The following GLRB variants were observed in gnomAD, a reference collection of about 807,000 sequenced individuals.
GLRB encodes the protein glycine receptor subunit beta.
Under a neutral mutation model 54.2 loss-of-function variants are expected in GLRB, and 33 were observed. The observed-to-expected ratio is 0.61, with a 90% CI of 0.46 to 0.81. The LOEUF is 0.81. GLRB is among the 40% of genes least tolerant of loss of function. GLRB has a pLI of 0.00. For synonymous variants in GLRB, 209 were observed against 208.2 expected (o/e 1.00, Z -0.03); for missense variants, 572 against 584.6 (o/e 0.98, Z 0.22).
rs1249205836 is a variant in GLRB at position 157,136,676 on chromosome 4, G to A, written c.505G>A (p.Gly169Arg). The change falls in exon 5 of 10, where the codon GGA becomes AGA. Residue 169 changes from glycine to arginine, a missense_variant. Transcript: ENST00000264428. ...CATCCTCCTCTTTATTTTTCGTGATGGAGATGTCCTTGTCAGCATGAGGTA... is the reference window on the plus strand; with the variant it reads ...CATCCTCCTCTTTATTTTTCGTGATAGAGATGTCCTTGTCAGCATGAGGTA... ...ENILLFIFRD[G>R]DVLVSMRLSI... The A allele has an allele frequency of 6.2e-7, 1 of 1,607,358 alleles. No individual in the cohort carries two copies.
intron 4 of GLRB, among the ~76,000 whole-genome samples, chr4:157,130,442 G>C (rs1256635985): frequency 2.6e-5 from 4 of 151,462 alleles, no homozygotes; most frequent in Non-Finnish European, 5.9e-5. Flanking sequence ...AGGTATTTTT[G>C]TGTTTCTTGT....
At chr4:157,089,343 G>A (rs1287307717) in intron 2 of GLRB, among the ~76,000 whole-genome samples, 1 of 152,156 alleles carries the variant, frequency 6.6e-6, no homozygotes, top group Non-Finnish European at 1.5e-5. Context: ...AGGTTGCAGT[G>A]AGCCATTATT....
intron 2 of GLRB, among the ~76,000 whole-genome samples, chr4:157,116,954 G>GT (rs1204788035): frequency 6.6e-6 from 1 of 151,202 alleles, no homozygotes; most frequent in Non-Finnish European, 1.5e-5. Context: ...TCCCTGGGTT[G>GT]TTTTTTTGTT....
chr4:157,088,369 C>T (rs1734487863), intron 2 of GLRB, among the ~76,000 whole-genome samples: 3 of 152,044 alleles, frequency 2.0e-5, no homozygotes, highest in African/African-American at 7.2e-5. Context: ...TCTGGAATCT[C>T]TATAATATTT....
intron 2 of GLRB, among the ~76,000 whole-genome samples, chr4:157,082,174 A>C (rs1734244311): frequency 6.6e-6 from 1 of 152,148 alleles, no homozygotes; most frequent in African/African-American, 2.4e-5. Flanking sequence ...ACACCCATAC[A>C]TCCAACATTT....
chr4:157,119,464 C>T (rs1470176781), intron 2 of GLRB, among the ~76,000 whole-genome samples: 2 of 151,558 alleles, frequency 1.3e-5, no homozygotes, highest in Non-Finnish European at 3.0e-5. Flanking sequence ...ATTGTGTGCA[C>T]TCCCTTTGTA....
chr4:157,084,746 A>G lies in GLRB; in HGVS notation c.122+6600A>G, dbSNP rs1165319674. On this transcript the variant is annotated intron_variant, in intron 2 of 9. Transcript: ENST00000264428. ...AAGGGTAGGTTACTGTTGATTATTC[A>G]TTGATTATTCAATGCCACTATATGC... 7 of 455,000 alleles carry G rather than the reference A, an allele frequency of 1.5e-5. No individual in the cohort carries two copies. The East Asian group carries it at 2.1e-4, about 14-fold the overall frequency. The allele number at this position is 455,000 out of a possible 1,614,324, so 28.2% of individuals were successfully genotyped here. A position where few individuals can be genotyped will look rare whatever the true frequency, so the allele number is the denominator to read the frequency against.
intron 2 of GLRB, among the ~76,000 whole-genome samples, chr4:157,099,652 A>G (rs1436162768): frequency 1.3e-5 from 2 of 152,128 alleles, no homozygotes; most frequent in East Asian, 1.9e-4. Flanking sequence ...GAACATTTTT[A>G]TACATGTATT....
chr4:157,112,775 G>C lies in GLRB; in HGVS notation c.123-7781G>C, dbSNP rs569045806. On this transcript the variant is annotated intron_variant, in intron 2 of 9. Transcript: ENST00000264428. ...GTCACTGGGTATGGGCTGCCTCTAG[G>C]ACAAGACACCTTACTTCAGCCAAAG... Among the ~76,000 whole-genome samples, 11 of 151,912 alleles carry C rather than the reference G, an allele frequency of 7.2e-5. No homozygotes were observed. In the South Asian group the frequency reaches 2.3e-3, roughly 32 times the overall value.
chr4:157,094,257 A>G (rs1268242812), intron 2 of GLRB, among the ~76,000 whole-genome samples: 1 of 152,210 alleles, frequency 6.6e-6, no homozygotes. Flanking sequence ...CCATTCAGTA[A>G]ATTAATTTTG....
intron 2 of GLRB, among the ~76,000 whole-genome samples, chr4:157,089,988 A>G (rs1251498700): frequency 2.2e-4 from 33 of 152,186 alleles, no homozygotes; most frequent in Admixed American, 2.0e-3. Context: ...TATTGCATCT[A>G]GCTACTTCTC....
rs529636934 is a variant in GLRB, at chr4:157,123,199, C to T, written c.297+802C>T. On this transcript the variant is annotated intron_variant, in intron 4 of 9. Coordinates refer to ENST00000264428, the MANE Select transcript of GLRB (RefSeq NM_000824.5). The stretch of plus-strand genomic sequence containing the variant: ...ATACTTCAGGTGGAAGAAAGAAGAC[C>T]TAAGATTTATTTTCCTGTATTTTTG... Among the ~76,000 whole-genome samples the T allele has an allele frequency of 2.8e-4, 43 of 151,674 alleles. 2 individuals carry two copies. The South Asian group carries it at 9.0e-3, about 32-fold the overall frequency.
chr4:157,077,060 A>G (rs1009952240), intron 1 of GLRB, among the ~76,000 whole-genome samples: 3 of 150,936 alleles, frequency 2.0e-5, no homozygotes, highest in Non-Finnish European at 4.4e-5. Flanking sequence ...GTTGAAGAAT[A>G]TGACAGGTCT....
intron 2 of GLRB, among the ~76,000 whole-genome samples, chr4:157,094,886 G>A (rs1267882374): frequency 7.2e-6 from 1 of 138,696 alleles, no homozygotes; most frequent in Non-Finnish European, 1.6e-5. Flanking sequence ...ATGTGTACAT[G>A]TTTACCAAAA....
intron 2 of GLRB, among the ~76,000 whole-genome samples, chr4:157,082,319 A>G (rs1026584739): frequency 6.6e-6 from 1 of 152,144 alleles, no homozygotes; most frequent in African/African-American, 2.4e-5. Context: ...ATTGCCACTC[A>G]TACATAATAC....
rs143139738 is a variant in GLRB, at chr4:157,167,604, CTGTG to C, written c.1198-2819_1198-2816del. Among the ~76,000 whole-genome samples, 250 of 152,196 alleles carry C rather than the reference CTGTG, an allele frequency of 1.6e-3. 1 individual carries two copies. Among genetic ancestry groups the C allele is most frequent in the African/African-American group, 5.8e-3 (239 of 41,540 alleles). On this transcript the variant is annotated intron_variant, in intron 9 of 9. Transcript: ENST00000264428. ...ATTAGATGTATATTTGTATATGTTT[CTGTG>C]TGTGTGTGCATTTCCTGAAGTCATA...
At chr4:157,163,011 T>C (rs554528528) in intron 9 of GLRB, among the ~76,000 whole-genome samples, 15 of 152,156 alleles carry the variant, frequency 9.9e-5, no homozygotes, top group Non-Finnish European at 1.8e-4. Context: ...GCCACTTTGT[T>C]TACCTACTCA....
rs565648851 is a variant in GLRB, at chr4:157,109,851, G to T, written c.123-10705G>T. 2.4e-4 allele frequency among the ~76,000 whole-genome samples: 36 copies of T among 152,138 alleles called. 1 individual carries two copies. Among genetic ancestry groups the T allele is most frequent in the African/African-American group, 8.7e-4 (36 of 41,522 alleles). ...AAAGGATATAGGTGATCAGGCAACT[G>T]GAGAATATGCACAGAACGAGGCATG... On this transcript the variant is annotated intron_variant, in intron 2 of 9. Coordinates refer to ENST00000264428, the MANE Select transcript of GLRB (RefSeq NM_000824.5).
At position 157,091,836 on chromosome 4, in the gene GLRB, ATTCTTTAAC is replaced by A. The variant is rs578203740; in HGVS notation, c.122+13696_122+13704del. ...TCTTCGTGACACTATTCTGTTGTCT[ATTCTTTAAC>A]TTCTTCCTAGGGTTTGTCCTGTCCT... On this transcript the variant is annotated intron_variant, in intron 2 of 9. Transcript: ENST00000264428. Among the ~76,000 whole-genome samples, 540 of 152,248 alleles carry A rather than the reference ATTCTTTAAC, an allele frequency of 3.5e-3. 1 individual carries two copies. Among genetic ancestry groups the A allele is most frequent in the Middle Eastern group, 3.4e-3 (1 of 294 alleles).
Sources: gnomAD v4.1 joint callset for allele counts (sites outside exome capture counted in the v4.1 genomes callset) on GRCh38, gnomAD v4.1.1 for gene constraint, MANE v1.5 for transcripts, NCBI Gene and HGNC (gene_info 2026-07-23, HGNC 2026-07-21) for gene names.